ERC1: variants seen among roughly 807,000 people sequenced by gnomAD.
ERC1 encodes the protein RAB6 interacting protein 2.
A neutral mutation model predicts 132.0 loss-of-function variants in ERC1; 56 were observed. The ratio of observed to expected loss-of-function variants is 0.42; its 90% CI spans 0.34 to 0.53. The LOEUF (loss-of-function observed/expected upper bound fraction) is 0.53, where lower values mean the gene tolerates loss of function less well. Ranked by LOEUF, ERC1 falls within the 20% of genes least tolerant of loss-of-function variation. ERC1 has a pLI of 0.03. For synonymous variants in ERC1, 478 were observed against 476.1 expected (o/e 1.00, Z -0.05); for missense variants, 1,202 against 1,349.9 (o/e 0.89, Z 1.72).
intron 12 of ERC1, among the ~76,000 whole-genome samples, chr12:1,217,420 G>C (rs1266598294): frequency 2.0e-5 from 3 of 152,176 alleles, no homozygotes; most frequent in Non-Finnish European, 2.9e-5. Flanking sequence ...TCTATAAATT[G>C]TGCTGTGGTA....
At chr12:1,440,257 T>G (rs945042586) in intron 17 of ERC1, among the ~76,000 whole-genome samples, 1 of 143,256 alleles carries the variant, frequency 7.0e-6, no homozygotes, top group Admixed American at 7.1e-5. Context: ...CAGGCTGGAG[T>G]GCAGTGGTGC....
chr12:1,125,558 A>G (rs1348524928), intron 7 of ERC1, among the ~76,000 whole-genome samples: 6 of 152,020 alleles, frequency 3.9e-5, no homozygotes, highest in East Asian at 3.9e-4. Flanking sequence ...GCTCACGCCT[A>G]TAATCCCAGC....
At chr12:1,363,740 G>A (rs9634144) in intron 15 of ERC1, among the ~76,000 whole-genome samples, 2 of 151,680 alleles carry the variant, frequency 1.3e-5, no homozygotes, top group Non-Finnish European at 2.9e-5. Flanking sequence ...ATTTTTTGCA[G>A]AGATGAGGTT....
intron 1 of ERC1, among the ~76,000 whole-genome samples, chr12:1,012,848 A>G (rs1348613190): frequency 6.6e-6 from 1 of 152,222 alleles, no homozygotes; most frequent in Non-Finnish European, 1.5e-5. Context: ...GATGACATGC[A>G]TATATTATAT....
intron 11 of ERC1, among the ~76,000 whole-genome samples, chr12:1,189,454 G>A (rs1430930493): frequency 6.6e-6 from 1 of 152,170 alleles, no homozygotes; most frequent in East Asian, 1.9e-4. Flanking sequence ...GGGTCTAGTG[G>A]GAGTTAGGTC....
At chr12:1,418,589 CTCTTTCTTTCTTTCTT>C (rs71055147) in intron 17 of ERC1, among the ~76,000 whole-genome samples, 12,610 of 106,502 alleles carry the variant, frequency 0.12, 975 homozygotes, top group South Asian at 0.17. Context: ...TTCTTTCTTT[CTCTTTCTTTCTTTCTT>C]TCTTTCTTTC....
intron 16 of ERC1, among the ~76,000 whole-genome samples, chr12:1,375,633 T>C (rs1478754035): frequency 6.6e-6 from 1 of 151,950 alleles, no homozygotes; most frequent in East Asian, 1.9e-4. Flanking sequence ...CCCCCTTCCA[T>C]TCCCTGTCAC....
chr12:1,418,765 T>A (rs1305916005), intron 17 of ERC1, among the ~76,000 whole-genome samples: 1 of 149,852 alleles, frequency 6.7e-6, no homozygotes, highest in African/African-American at 2.5e-5. Flanking sequence ...CAGACTGGAG[T>A]GTAGTGGCAT....
intron 17 of ERC1, among the ~76,000 whole-genome samples, chr12:1,418,037 T>C (rs1214472529): frequency 6.6e-6 from 1 of 152,180 alleles, no homozygotes; most frequent in East Asian, 1.9e-4. Context: ...AGCTAACTTA[T>C]CCAAGTTCAC....
intron 2 of ERC1, among the ~76,000 whole-genome samples, chr12:1,072,518 A>G (rs187014664): frequency 1.2e-4 from 18 of 152,302 alleles, no homozygotes; most frequent in Non-Finnish European, 1.8e-4. Flanking sequence ...CACATGTGCA[A>G]AAGAGTCTCA....
At chr12:1,393,910 G>A (rs548773338) in intron 16 of ERC1, among the ~76,000 whole-genome samples, 97 of 150,452 alleles carry the variant, frequency 6.4e-4, no homozygotes, top group Middle Eastern at 6.9e-3. Context: ...CAGCTACTCC[G>A]GAGGCTGAGG....
At chr12:1,201,923 C>A (rs1212026434) in intron 12 of ERC1, among the ~76,000 whole-genome samples, 2 of 152,070 alleles carry the variant, frequency 1.3e-5, no homozygotes, top group Admixed American at 6.6e-5. Flanking sequence ...AGAGAGATGA[C>A]TGGGGCTGCG....
Position 1,379,129 on chromosome 12 carries a change from G to A in ERC1, c.2925+7152G>A, listed in dbSNP as rs1209567636. On this transcript the variant is annotated intron_variant, in intron 16 of 18. Coordinates refer to ENST00000360905, the MANE Select transcript of ERC1 (RefSeq NM_178040.4). ...TGTAAATTCCCATAAATACATAAAAGGACCGTGCTAAGCTGTCTTTGGGGT... is the reference window on the plus strand; with the variant it reads ...TGTAAATTCCCATAAATACATAAAAAGACCGTGCTAAGCTGTCTTTGGGGT... 2.6e-5 allele frequency among the ~76,000 whole-genome samples: 4 copies of A among 152,178 alleles called. No homozygotes were observed. The East Asian group carries it at 7.7e-4, about 29-fold the overall frequency.
At chr12:1,194,594 T>C (rs1250563079) in intron 12 of ERC1, among the ~76,000 whole-genome samples, 1 of 152,178 alleles carries the variant, frequency 6.6e-6, no homozygotes, top group Admixed American at 6.5e-5. Context: ...GTATATTGTA[T>C]TGTGCCTTAT....
intron 15 of ERC1, among the ~76,000 whole-genome samples, chr12:1,329,560 C>T (rs951081465): frequency 6.6e-6 from 1 of 152,030 alleles, no homozygotes; most frequent in Non-Finnish European, 1.5e-5. Context: ...TCATTATACT[C>T]GTTTTATAGT....
intron 12 of ERC1, among the ~76,000 whole-genome samples, chr12:1,212,132 T>C (rs896182820): frequency 7.2e-5 from 11 of 152,110 alleles, no homozygotes; most frequent in Non-Finnish European, 1.3e-4. Context: ...CTTATATAAG[T>C]CCTATATACT....
chr12:1,059,788 A>G (rs2154174435), intron 2 of ERC1, among the ~76,000 whole-genome samples: 1 of 152,114 alleles, frequency 6.6e-6, no homozygotes, highest in East Asian at 1.9e-4. Context: ...GATATTGACC[A>G]TAGTTTTTGT....
intron 15 of ERC1, among the ~76,000 whole-genome samples, chr12:1,296,932 G>A (rs1466956105): frequency 1.3e-5 from 2 of 152,042 alleles, no homozygotes; most frequent in African/African-American, 4.8e-5. Flanking sequence ...TTTAAAAATG[G>A]CCAACATATT....
intron 7 of ERC1, among the ~76,000 whole-genome samples, chr12:1,129,655 T>C (rs1217974556): frequency 6.6e-6 from 1 of 152,212 alleles, no homozygotes; most frequent in Non-Finnish European, 1.5e-5. Flanking sequence ...CTTCAAAGTT[T>C]AGTGAAAAAC....
Sources: gnomAD v4.1 joint callset for allele counts (sites outside exome capture counted in the v4.1 genomes callset) on GRCh38, gnomAD v4.1.1 for gene constraint, MANE v1.5 for transcripts, NCBI Gene and HGNC (gene_info 2026-07-23, HGNC 2026-07-21) for gene names.